Variants in NRXN2 observed in about 807,000 individuals in gnomAD.
NRXN2 encodes neurexin 2.
Under a neutral mutation model 128.8 loss-of-function variants are expected in NRXN2, and 29 were observed. The observed-to-expected ratio is 0.23, with a 90% confidence interval of 0.17 to 0.31. NRXN2 has a LOEUF of 0.31. NRXN2 is among the 10% of genes least tolerant of loss of function. The probability of loss-of-function intolerance (pLI) is 1.00; values close to 1 mark genes in which losing one functional copy is unlikely to be tolerated. For missense variants in NRXN2, 1,881 were observed against 2,452.6 expected (o/e 0.77, Z 4.92); for synonymous variants, 1,098 against 1,075.2 (o/e 1.02, Z -0.41).
chr11:64,686,043 G>A lies in NRXN2; in HGVS notation c.851-96C>T, dbSNP rs908041667. On this transcript the variant is annotated intron_variant, in intron 5 of 22. Transcript: ENST00000265459. ...CTCCAGCAACGCAGGCACTGGTCCT[G>A]GGCACCAGGAGCCCAGAGGTCCCAA... The A allele has an allele frequency of 2.1e-6, 3 of 1,400,778 alleles. No individual in the cohort carries two copies. In the African/African-American group the frequency reaches 4.3e-5, roughly 20 times the overall value. 86.8% of individuals were successfully genotyped at this position (1,400,778 alleles called of 1,614,324 possible). A position where few individuals can be genotyped will look rare whatever the true frequency, so the allele number is the denominator to read the frequency against.
In NRXN2 at chr11:64,708,892, T is replaced by C. The variant is rs149225499; in HGVS notation, c.730+4078A>G. ...AAGGGGTACTGTGAATTACTGACTT[T>C]TAAAAATGTCCTCAGTTGGCCAGGC... On this transcript the variant is annotated intron_variant, in intron 2 of 22. Coordinates refer to ENST00000265459, the MANE Select transcript of NRXN2 (RefSeq NM_015080.4). Among the ~76,000 whole-genome samples, 500 of 152,188 alleles carry C rather than the reference T, an allele frequency of 3.3e-3. 3 individuals carry two copies. Among genetic ancestry groups the C allele is most frequent in the African/African-American group, 0.011 (457 of 41,510 alleles).
chr11:64,635,224 G>C lies in NRXN2; in HGVS notation c.3585+47C>G, dbSNP rs755041824. On this transcript the variant is annotated intron_variant, in intron 18 of 22. Coordinates refer to ENST00000265459, the MANE Select transcript of NRXN2 (RefSeq NM_015080.4). The surrounding 1 kb of genome is among the most constrained non-coding windows in gnomAD (Gnocchi z 4.8). Reference sequence around the variant, plus strand: ...TGGCAATGAGGGGCTGAACTGATTTGGGAGCAGGAAGCTTGAGGTTGAAGG... The same window carrying C: ...TGGCAATGAGGGGCTGAACTGATTTCGGAGCAGGAAGCTTGAGGTTGAAGG... 1 of 1,604,476 alleles carries C rather than the reference G, an allele frequency of 6.2e-7. No homozygotes were observed. The highest frequency in any genetic ancestry group is 8.5e-7 in the Non-Finnish European group (1 of 1,173,988).
At chr11:64,654,756 A>C (rs2048006401) in intron 11 of NRXN2, among the ~76,000 whole-genome samples, 1 of 152,232 alleles carries the variant, frequency 6.6e-6, no homozygotes, top group Non-Finnish European at 1.5e-5. Context: ...TCAAACGCCA[A>C]GCCTGACGCA....
chr11:64,712,797 C>A (rs2057071945), intron 2 of NRXN2, 173 bp downstream of exon 2: 3 of 715,200 alleles, frequency 4.2e-6, no homozygotes, highest in African/African-American at 1.8e-5. Context: ...GCCAACCCCA[C>A]GCGCCCTCGC....
chr11:64,678,010 A>C (rs945555638), intron 6 of NRXN2, among the ~76,000 whole-genome samples: 1 of 152,146 alleles, frequency 6.6e-6, no homozygotes, highest in South Asian at 2.1e-4. Flanking sequence ...GGAGCATAGG[A>C]GGGGTCATGG....
At position 64,630,513 on chromosome 11, in the gene NRXN2, G is replaced by C; in HGVS notation, c.3646C>G (p.Pro1216Ala). 6.2e-7 allele frequency: 1 copy of C among 1,614,088 alleles called. No homozygotes were observed. The highest frequency in any genetic ancestry group is 8.5e-7 in the Non-Finnish European group (1 of 1,180,020). The part of the protein sequence containing the change: ...VGTDDITIDE[P>A]NAIVSDGKYH... ...TTGCCGTCGCTTACTATGGCGTTGG[G>C]CTCGTCGATGGTAATGTCGTCCGTG... The change falls in exon 19 of 23, where the codon CCC (proline) becomes GCC (alanine). Residue 1216 changes from proline (P) to alanine (A), a missense_variant. Physicochemically the swap from Pro to Ala is conservative, Grantham distance 27 (BLOSUM62 -1). Transcript: ENST00000265459. The surrounding 1 kb of genome is among the most constrained non-coding windows in gnomAD (Gnocchi z 4.6).
chr11:64,695,010 C>A (rs558017311), intron 3 of NRXN2, among the ~76,000 whole-genome samples: 1 of 152,184 alleles, frequency 6.6e-6, no homozygotes, highest in Admixed American at 6.5e-5. Flanking sequence ...TCTGTCACCA[C>A]GGCAACCAGC....
intron 6 of NRXN2, among the ~76,000 whole-genome samples, 160 bp from the exon 7 acceptor site, chr11:64,677,197 T>G (rs542032280): frequency 5.9e-5 from 9 of 152,292 alleles, no homozygotes; most frequent in African/African-American, 1.7e-4. Context: ...TATTTGGTTG[T>G]TTGTTCCAAC....
intron 1 of NRXN2, among the ~76,000 whole-genome samples, chr11:64,715,864 G>T (rs1323226505): frequency 6.6e-6 from 1 of 152,182 alleles, no homozygotes. Flanking sequence ...TAATTAACAT[G>T]TGCGGGCTAA....
intron 5 of NRXN2, 79 bp from the exon 6 acceptor site, chr11:64,686,026 A>G (rs2052999125): frequency 1.3e-6 from 2 of 1,513,576 alleles, no homozygotes; most frequent in Non-Finnish European, 1.8e-6. Context: ...CCCTCCAGCA[A>G]CGCAGGCACT....
intron 15 of NRXN2, among the ~76,000 whole-genome samples, chr11:64,649,606 G>C (rs760986639): frequency 1.3e-5 from 2 of 152,196 alleles, no homozygotes; most frequent in Non-Finnish European, 2.9e-5. Flanking sequence ...CCCCTTCTGA[G>C]AACAAGGGGA....
intron 22 of NRXN2, among the ~76,000 whole-genome samples, chr11:64,611,922 C>T (rs2040715814): frequency 6.6e-6 from 1 of 150,960 alleles, no homozygotes; most frequent in Admixed American, 6.6e-5. Context: ...GCCATGACTC[C>T]CCCTCGGTGC....
At chr11:64,655,120 G>A (rs1193704971) in intron 11 of NRXN2, among the ~76,000 whole-genome samples, 1 of 152,194 alleles carries the variant, frequency 6.6e-6, no homozygotes, top group Non-Finnish European at 1.5e-5. Flanking sequence ...GCATCCCCTG[G>A]GCCCCTGAAG....
In NRXN2 at chr11:64,667,193, C is replaced by T; in HGVS notation, c.1798+57G>A. ...CGCTGAAGAGAGACGGAGAGGATGT[C>T]AGGGCAGATGGAAAGGGGTGGCCCA... On this transcript the variant is annotated intron_variant, in intron 9 of 22. Coordinates refer to ENST00000265459, the MANE Select transcript of NRXN2 (RefSeq NM_015080.4). This position sits in a 1 kb window ranked among gnomAD's most constrained non-coding sequence, Gnocchi z 5.6. The T allele has an allele frequency of 6.4e-7, 1 of 1,563,892 alleles. No homozygotes were observed. The highest frequency in any genetic ancestry group is 2.2e-5 in the East Asian group (1 of 44,538).
In NRXN2 at chr11:64,607,031, G is replaced by A. The variant is rs1196451468; in HGVS notation, c.*165C>T. On this transcript the variant is annotated 3_prime_UTR_variant, in exon 23 of 23. Transcript: ENST00000265459. ...CGCAGTGGACGGCAGGAGGAAGGGGGCGAGCACGGGGTTTTTCCTTTTCTT... is the reference window on the plus strand; with the variant it reads ...CGCAGTGGACGGCAGGAGGAAGGGGACGAGCACGGGGTTTTTCCTTTTCTT... 2.8e-6 allele frequency: 2 copies of A among 722,600 alleles called. No individual in the cohort carries two copies. The highest frequency in any genetic ancestry group is 1.8e-5 in the African/African-American group (1 of 56,078). The allele number at this position is 722,600 out of a possible 1,614,324, so 44.8% of individuals were successfully genotyped here. A position where few individuals can be genotyped will look rare whatever the true frequency, so the allele number is the denominator to read the frequency against.
intron 2 of NRXN2, among the ~76,000 whole-genome samples, chr11:64,702,850 CATG>C (rs1337748434): frequency 7.1e-6 from 1 of 141,552 alleles, no homozygotes; most frequent in African/African-American, 2.6e-5. Context: ...ATTAGCCAGA[CATG>C]GTGGTGTGCG....
chr11:64,650,515 G>C lies in NRXN2; in HGVS notation c.3042C>G (p.His1014Gln). The C allele has an allele frequency of 6.2e-7, 1 of 1,614,212 alleles. No individual in the cohort carries two copies. The highest frequency in any genetic ancestry group is 8.5e-7 in the Non-Finnish European group (1 of 1,180,050). ...CAGTGCGGGAGTCAATCTTGAGCGT[G>C]TGCACGTTGCCTGGGTCCCTGGACA... ...VVVSRDPGNV[H>Q]TLKIDSRTVT... Residue 1014 changes from histidine (H) to glutamine (Q), a missense_variant, in exon 15 of 23, where the codon CAC becomes CAG. Physicochemically the swap from His to Gln is conservative, Grantham distance 24. This residue lies in a region of NRXN2 where 390 missense variants were observed against 599.6 expected (regional missense o/e 0.65). Transcript: ENST00000265459.
intron 22 of NRXN2, among the ~76,000 whole-genome samples, chr11:64,612,823 G>A (rs1470217895): frequency 6.6e-6 from 1 of 152,250 alleles, no homozygotes; most frequent in Non-Finnish European, 1.5e-5. Context: ...GGCATTTCAT[G>A]GGGGTTAGAA....
chr11:64,697,780 A>G lies in NRXN2; in HGVS notation c.743T>C (p.Met248Thr). Residue 248 changes from methionine to threonine, a missense_variant, in exon 3 of 23, where the codon ATG becomes ACG. By Grantham distance (81) the Met-to-Thr change is moderately conservative. This residue lies in a region of NRXN2 where 997 missense variants were observed against 1,240.8 expected (regional missense o/e 0.80). Transcript: ENST00000265459. ...GACAGAGAGGCTTCACTCACCTTCC[A>G]TGGGGTGCTCCTCTGCAGCCAGCGA... ...GKFCSEEEHP[M>T]EGPAHLTLNS... 2 of 1,613,772 alleles carry G rather than the reference A, an allele frequency of 1.2e-6. No homozygotes were observed. Among genetic ancestry groups the G allele is most frequent in the Non-Finnish European group, 8.5e-7 (1 of 1,179,808 alleles).
Sources: gnomAD v4.1 joint callset for allele counts (sites outside exome capture counted in the v4.1 genomes callset) on GRCh38, gnomAD v4.1.1 for gene constraint, gnomAD v4.1.1 regional missense constraint, Gnocchi (gnomAD v3.1) non-coding constraint, MANE v1.5 for transcripts, NCBI Gene and HGNC (gene_info 2026-07-23, HGNC 2026-07-21) for gene names.